Variants in LRP1B observed in about 807,000 individuals in gnomAD.
LRP1B encodes the protein low-density lipoprotein receptor-related protein 1B.
A neutral mutation model predicts 556.6 loss-of-function variants in LRP1B; 217 were observed. That is an observed-to-expected ratio of 0.39 (90% confidence interval 0.35 to 0.44). The LOEUF is 0.44. Among genes scored for constraint, LRP1B ranks in the 20% least tolerant of loss-of-function variants. The pLI, the probability that LRP1B is intolerant of heterozygous loss-of-function variation, is 1.00. For missense variants in LRP1B, 5,053 were observed against 5,620.8 expected (o/e 0.90, Z 3.23); for synonymous variants, 2,047 against 1,865.8 (o/e 1.10, Z -2.50).
chr2:141,556,297 C>T (rs1685959689), intron 2 of LRP1B, among the ~76,000 whole-genome samples: 1 of 151,860 alleles, frequency 6.6e-6, no homozygotes, highest in Non-Finnish European at 1.5e-5. Flanking sequence ...CAAGGAGAAG[C>T]ACAAAACTAA....
At chr2:140,501,945 T>G (rs1461517354) in intron 54 of LRP1B, 71 bp from the exon 55 acceptor site, 1 of 1,052,434 alleles carries the variant, frequency 9.5e-7, no homozygotes, top group Non-Finnish European at 1.3e-6. Context: ...GTTGAAAACA[T>G]TCACAAATAT....
chr2:140,626,177 G>C (rs1385182871), intron 41 of LRP1B, among the ~76,000 whole-genome samples: 1 of 152,108 alleles, frequency 6.6e-6, no homozygotes, highest in Non-Finnish European at 1.5e-5. Context: ...CAAACCTATG[G>C]AGGAAGTAAA....
chr2:141,773,603 A>G (rs904900649), intron 2 of LRP1B, among the ~76,000 whole-genome samples: 1 of 152,240 alleles, frequency 6.6e-6, no homozygotes, highest in Non-Finnish European at 1.5e-5. Context: ...CACCTCTTTT[A>G]GAAGGTTTCT....
intron 21 of LRP1B, among the ~76,000 whole-genome samples, chr2:140,914,110 G>A (rs1694504788): frequency 2.0e-5 from 3 of 152,046 alleles, no homozygotes; most frequent in African/African-American, 7.2e-5. Flanking sequence ...AAATTTGAAC[G>A]ACTGAAAGAT....
chr2:141,685,999 T>C (rs1304224787), intron 2 of LRP1B, among the ~76,000 whole-genome samples: 1 of 152,092 alleles, frequency 6.6e-6, no homozygotes, highest in East Asian at 1.9e-4. Flanking sequence ...CATGTTTTCA[T>C]ATGGAAAACA....
chr2:140,748,981 G>T (rs909132740), intron 35 of LRP1B, among the ~76,000 whole-genome samples: 3 of 150,910 alleles, frequency 2.0e-5, no homozygotes, highest in Non-Finnish European at 4.4e-5. Context: ...ACTACTACAC[G>T]CTTAGGTTAT....
At chr2:140,474,966 A>G (rs895645455) in intron 60 of LRP1B, among the ~76,000 whole-genome samples, 172 bp downstream of exon 60, 1 of 151,530 alleles carries the variant, frequency 6.6e-6, no homozygotes, top group Non-Finnish European at 1.5e-5. Context: ...ATAACATATA[A>G]TTTTTGAATA....
intron 3 of LRP1B, among the ~76,000 whole-genome samples, chr2:141,328,940 C>G (rs1687530400): frequency 1.3e-5 from 2 of 152,154 alleles, no homozygotes; most frequent in African/African-American, 2.4e-5. Flanking sequence ...AACTGGTGAT[C>G]TTCTTTAAAT....
intron 4 of LRP1B, among the ~76,000 whole-genome samples, chr2:141,253,779 C>T (rs1216042396): frequency 6.6e-6 from 1 of 151,968 alleles, no homozygotes; most frequent in Non-Finnish European, 1.5e-5. Context: ...TACACACACA[C>T]ACACTCACAC....
Position 140,368,655 on chromosome 2 carries a change from C to T in LRP1B, c.11008+2055G>A, listed in dbSNP as rs555952716. ...ACTGATTAATTGGGAAACTGTGTCACGCTTATCCTTCAGCTCTCTTATATT... is the reference window on the plus strand; with the variant it reads ...ACTGATTAATTGGGAAACTGTGTCATGCTTATCCTTCAGCTCTCTTATATT... On this transcript the variant is annotated intron_variant, in intron 71 of 90. Transcript: ENST00000389484. 6.6e-5 allele frequency among the ~76,000 whole-genome samples: 10 copies of T among 151,912 alleles called. No homozygotes were observed. In the South Asian group the frequency reaches 1.5e-3, roughly 22 times the overall value.
At chr2:141,390,387 G>T (rs915657412) in intron 3 of LRP1B, among the ~76,000 whole-genome samples, 4 of 152,130 alleles carry the variant, frequency 2.6e-5, no homozygotes, top group Non-Finnish European at 4.4e-5. Flanking sequence ...AAAACGTTTG[G>T]CACTCCCTCA....
At chr2:141,833,314 C>T (rs1386597342) in intron 1 of LRP1B, among the ~76,000 whole-genome samples, 2 of 151,718 alleles carry the variant, frequency 1.3e-5, no homozygotes, top group Non-Finnish European at 2.9e-5. Context: ...ACCATTTAAA[C>T]TTGGTAAGAA....
At chr2:140,832,219 T>A (rs1332824526) in intron 31 of LRP1B, among the ~76,000 whole-genome samples, 1 of 152,166 alleles carries the variant, frequency 6.6e-6, no homozygotes, top group African/African-American at 2.4e-5. Context: ...GGGCCAACTT[T>A]TTGTGTACCC....
chr2:141,826,835 G>T (rs1696945401), intron 1 of LRP1B, among the ~76,000 whole-genome samples: 1 of 151,976 alleles, frequency 6.6e-6, no homozygotes, highest in Non-Finnish European at 1.5e-5. Context: ...TCCAAATATA[G>T]AGTCAAAATT....
chr2:140,337,389 G>A (rs1377265057), intron 77 of LRP1B, among the ~76,000 whole-genome samples: 1 of 151,906 alleles, frequency 6.6e-6, no homozygotes, highest in Admixed American at 6.6e-5. Flanking sequence ...CTCTAGAAAT[G>A]TCATATAAAT....
chr2:141,796,349 C>T (rs1574369456), intron 2 of LRP1B, among the ~76,000 whole-genome samples: 1 of 151,992 alleles, frequency 6.6e-6, no homozygotes, highest in Admixed American at 6.6e-5. Context: ...ACTATTTGCA[C>T]ACACATATCC....
At chr2:140,502,422 C>T (rs1412642400) in intron 54 of LRP1B, among the ~76,000 whole-genome samples, 2 of 151,808 alleles carry the variant, frequency 1.3e-5, no homozygotes, top group East Asian at 3.9e-4. Flanking sequence ...ATCATACATG[C>T]TAAAAGAAAG....
intron 61 of LRP1B, 124 bp downstream of exon 61, chr2:140,457,339 C>T (rs572064589): frequency 2.6e-6 from 2 of 764,356 alleles, no homozygotes; most frequent in Non-Finnish European, 4.2e-6. Flanking sequence ...TAAAGTGATG[C>T]TAAATAATTA....
chr2:141,458,501 G>A (rs1212957410), intron 3 of LRP1B, among the ~76,000 whole-genome samples: 3 of 152,126 alleles, frequency 2.0e-5, no homozygotes, highest in African/African-American at 7.2e-5. Context: ...AGAAAAGCAA[G>A]ACACAACATT....
Sources: allele counts gnomAD v4.1 joint callset (sites outside exome capture counted in the v4.1 genomes callset), GRCh38; gene constraint gnomAD v4.1.1; transcripts MANE v1.5; gene names NCBI Gene and HGNC (gene_info 2026-07-23, HGNC 2026-07-21).